The following SPOCK3 variants were observed in gnomAD, a reference collection of about 807,000 sequenced individuals.
SPOCK3 encodes the protein SPARC (osteonectin), cwcv and kazal like domains proteoglycan 3.
SPOCK3 carries 30 observed loss-of-function variants against 56.6 expected under a neutral mutation model. That is an observed-to-expected ratio of 0.53 (90% confidence interval 0.40 to 0.72). The LOEUF is 0.72. Ranked by LOEUF, SPOCK3 falls within the 30% of genes least tolerant of loss-of-function variation. The pLI, the probability that SPOCK3 is intolerant of heterozygous loss-of-function variation, is 0.00. For missense variants in SPOCK3, 527 were observed against 530.0 expected (o/e 0.99, Z 0.06); for synonymous variants, 196 against 183.3 (o/e 1.07, Z -0.56).
At chr4:166,862,304 T>A (rs752102481) in intron 6 of SPOCK3, among the ~76,000 whole-genome samples, 3 of 150,690 alleles carry the variant, frequency 2.0e-5, no homozygotes, top group Non-Finnish European at 4.4e-5. Context: ...AAGTTAGGAG[T>A]CTTGGAAAGA....
In SPOCK3 at chr4:166,734,849, G is replaced by T. The variant is rs1734055646; in HGVS notation, c.*72C>A. ...GAATCATTTTGTTATTGGGGAAGAA[G>T]ATAATTTTAAATAGGCTATCATTTT... On this transcript the variant is annotated 3_prime_UTR_variant, in exon 11 of 11. Transcript: ENST00000357545. 28 of 1,206,502 alleles carry T rather than the reference G, an allele frequency of 2.3e-5. No homozygotes were observed. The South Asian group carries it at 5.2e-4, about 22-fold the overall frequency. 74.7% of individuals were successfully genotyped at this position (1,206,502 alleles called of 1,614,324 possible).
At chr4:167,216,143 G>A (rs1177160722) in intron 2 of SPOCK3, among the ~76,000 whole-genome samples, 1 of 152,036 alleles carries the variant, frequency 6.6e-6, no homozygotes, top group Non-Finnish European at 1.5e-5. Context: ...TACAATATTT[G>A]AAGAGTCTCC....
chr4:167,213,612 C>A (rs139242394), intron 2 of SPOCK3, among the ~76,000 whole-genome samples: 2 of 151,958 alleles, frequency 1.3e-5, no homozygotes, highest in Non-Finnish European at 2.9e-5. Flanking sequence ...AACACTATTA[C>A]CAGAAATATT....
At chr4:167,113,110 T>C (rs966383210) in intron 2 of SPOCK3, among the ~76,000 whole-genome samples, 1 of 152,116 alleles carries the variant, frequency 6.6e-6, no homozygotes, top group Non-Finnish European at 1.5e-5. Context: ...CTTAGGCCAA[T>C]TGTTGTAGTA....
chr4:167,011,535 A>G (rs1474953658), intron 3 of SPOCK3, among the ~76,000 whole-genome samples: 1 of 152,184 alleles, frequency 6.6e-6, no homozygotes, highest in Non-Finnish European at 1.5e-5. Context: ...TAACAATTTT[A>G]AAATATTAAC....
rs145540292 is a variant in SPOCK3 at position 167,034,102 on chromosome 4, T to A, written c.235+28390A>T. On this transcript the variant is annotated intron_variant, in intron 3 of 10. Coordinates refer to ENST00000357545, the MANE Select transcript of SPOCK3 (RefSeq NM_001040159.2). The stretch of plus-strand genomic sequence containing the variant: ...GTAACTTTCAGAAAGAATCTGACTA[T>A]TGGAATTAAAAGATTTCCAGATTAT... Among the ~76,000 whole-genome samples, 633 of 152,126 alleles carry A rather than the reference T, an allele frequency of 4.2e-3. 9 individuals are homozygous for A. The highest frequency in any genetic ancestry group is 0.014 in the African/African-American group (576 of 41,550).
intron 6 of SPOCK3, among the ~76,000 whole-genome samples, chr4:166,833,429 T>C (rs1746290609): frequency 6.6e-6 from 1 of 152,196 alleles, no homozygotes; most frequent in East Asian, 1.9e-4. Flanking sequence ...TATTGGTTAC[T>C]AAGAGGCAAA....
At chr4:166,946,963 T>C (rs1355475571) in intron 4 of SPOCK3, among the ~76,000 whole-genome samples, 1 of 152,188 alleles carries the variant, frequency 6.6e-6, no homozygotes, top group East Asian at 1.9e-4. Context: ...TGGACAATAA[T>C]TTTGTCAATT....
chr4:167,097,399 G>A (rs1023820987), intron 2 of SPOCK3, among the ~76,000 whole-genome samples: 3 of 150,796 alleles, frequency 2.0e-5, no homozygotes, highest in African/African-American at 7.3e-5. Flanking sequence ...TTGACATTAG[G>A]CTTCTGTTAA....
At chr4:166,772,849 G>A (rs997425340) in intron 7 of SPOCK3, among the ~76,000 whole-genome samples, 1 of 152,064 alleles carries the variant, frequency 6.6e-6, no homozygotes, top group Admixed American at 6.6e-5. Context: ...TGGATGCAGT[G>A]GTGTAATCAT....
intron 6 of SPOCK3, among the ~76,000 whole-genome samples, chr4:166,845,299 T>G (rs1278623845): frequency 6.6e-6 from 1 of 152,178 alleles, no homozygotes; most frequent in Non-Finnish European, 1.5e-5. Context: ...CCAAAATAAA[T>G]TTTTCATTTT....
intron 2 of SPOCK3, among the ~76,000 whole-genome samples, chr4:167,179,430 T>A (rs934247001): frequency 2.0e-5 from 3 of 152,192 alleles, no homozygotes; most frequent in African/African-American, 7.2e-5. Context: ...TACTTATTAA[T>A]CTACTTCCCA....
At chr4:166,868,406 G>T (rs1257795405) in intron 6 of SPOCK3, among the ~76,000 whole-genome samples, 1 of 152,008 alleles carries the variant, frequency 6.6e-6, no homozygotes, top group African/African-American at 2.4e-5. Context: ...CTATGGTGAG[G>T]TATGGTTTAT....
chr4:166,794,938 G>A (rs547094539), intron 6 of SPOCK3, among the ~76,000 whole-genome samples: 7 of 152,038 alleles, frequency 4.6e-5, no homozygotes, highest in African/African-American at 1.2e-4. Flanking sequence ...TCACCGCGCC[G>A]GCCCGTTTCT....
At chr4:166,815,347 G>C (rs897176428) in intron 6 of SPOCK3, among the ~76,000 whole-genome samples, 1 of 151,980 alleles carries the variant, frequency 6.6e-6, no homozygotes, top group Non-Finnish European at 1.5e-5. Flanking sequence ...ATTAAATGTA[G>C]CTTAAATACT....
chr4:167,135,393 A>C (rs958091903), intron 2 of SPOCK3, among the ~76,000 whole-genome samples: 1 of 152,184 alleles, frequency 6.6e-6, no homozygotes, highest in Non-Finnish European at 1.5e-5. Flanking sequence ...ACCATTTTTA[A>C]TAGAAAGTGC....
chr4:166,737,751 G>C, intron 9 of SPOCK3, 147 bp from the exon 10 acceptor site: 1 of 832,868 alleles, frequency 1.2e-6, no homozygotes, highest in Non-Finnish European at 1.7e-6. Flanking sequence ...AGATACCAGT[G>C]ATGCCTTAGA....
chr4:167,109,370 ATATTTATATAAAATATATAAATATATATT>A (rs1273355685), intron 2 of SPOCK3, among the ~76,000 whole-genome samples: 1 of 26,618 alleles, frequency 3.8e-5, no homozygotes, highest in African/African-American at 1.0e-4. Context: ...ATTTATATAT[ATATTTATATAAAATATATAAATATATATT>A]TATATATAAA....
At chr4:167,185,209 T>C (rs1320072200) in intron 2 of SPOCK3, among the ~76,000 whole-genome samples, 1 of 152,202 alleles carries the variant, frequency 6.6e-6, no homozygotes. Flanking sequence ...TTTTAAGGCA[T>C]TGGACTCTCA....
Sources: gnomAD v4.1 joint callset for allele counts (sites outside exome capture counted in the v4.1 genomes callset) on GRCh38, gnomAD v4.1.1 for gene constraint, MANE v1.5 for transcripts, NCBI Gene and HGNC (gene_info 2026-07-23, HGNC 2026-07-21) for gene names.